The following PPP2R2C variants were observed in gnomAD, a reference collection of about 807,000 sequenced individuals.
PPP2R2C encodes protein phosphatase 2, regulatory subunit B, gamma.
Under a neutral mutation model 45.3 loss-of-function variants are expected in PPP2R2C, and 10 were observed. The observed-to-expected ratio is 0.22, with a 90% CI of 0.14 to 0.37. The LOEUF is 0.37. PPP2R2C is among the 10% of genes least tolerant of loss of function. The pLI, the probability that PPP2R2C is intolerant of heterozygous loss-of-function variation, is 1.00. For synonymous variants in PPP2R2C, 257 were observed against 245.4 expected (o/e 1.05, Z -0.44); for missense variants, 308 against 619.7 (o/e 0.50, Z 5.34).
chr4:6,474,435 T>C (rs1228103882), upstream of PPP2R2C, among the ~76,000 whole-genome samples: 2 of 152,092 alleles, frequency 1.3e-5, no homozygotes, highest in African/African-American at 2.4e-5. Context: ...AGCTCTCTTG[T>C]TATCATGCTG....
Position 6,545,283 on chromosome 4 carries a change from G to A in PPP2R2C, c.-58-9906C>T, listed in dbSNP as rs372541387. On this transcript the variant is annotated intron_variant, in intron 1 of 9. Coordinates refer to the PPP2R2C transcript ENST00000506140. ...AGTAAACAACAAAATGACTGAAATC[G>A]TGTTATAATTTATCATAGTAGCAGT... Among the ~76,000 whole-genome samples, 8 of 152,268 alleles carry A rather than the reference G, an allele frequency of 5.3e-5. No individual in the cohort carries two copies. The East Asian group carries it at 5.8e-4, about 11-fold the overall frequency.
At chr4:6,490,768 G>C (rs533954802) in intron 2 of PPP2R2C, among the ~76,000 whole-genome samples, 2 of 152,148 alleles carry the variant, frequency 1.3e-5, no homozygotes, top group Non-Finnish European at 2.9e-5. Context: ...ATCAGCCATG[G>C]CGAGAAGCCG....
In PPP2R2C at chr4:6,324,287, C is replaced by T. The variant is rs1364235072; in HGVS notation, c.1053-694G>A. ...TCTCTACTAAAAATACAAAAATTAG[C>T]TGGACATGGTGGTGGGCACCTGTAA... On this transcript the variant is annotated intron_variant, in intron 8 of 8. Coordinates refer to ENST00000382599, the MANE Select transcript of PPP2R2C (RefSeq NM_020416.4). The surrounding 1 kb of genome is among the most constrained non-coding windows in gnomAD (Gnocchi z 4.1). Among the ~76,000 whole-genome samples the T allele has an allele frequency of 6.6e-6, 1 of 152,056 alleles. No homozygotes were observed. Among genetic ancestry groups the T allele is most frequent in the Non-Finnish European group, 1.5e-5 (1 of 68,016 alleles).
intron 1 of PPP2R2C, among the ~76,000 whole-genome samples, chr4:6,443,906 C>G (rs542080368): frequency 2.0e-5 from 3 of 152,262 alleles, no homozygotes; most frequent in African/African-American, 4.8e-5. Context: ...CTAGGCAGCT[C>G]CAACACAGCA....
chr4:6,386,211 G>A (rs1479607707), intron 1 of PPP2R2C, among the ~76,000 whole-genome samples: 1 of 152,218 alleles, frequency 6.6e-6, no homozygotes, highest in Non-Finnish European at 1.5e-5. Context: ...AACAGCCGGC[G>A]TTGGCTTTCC....
intron 1 of PPP2R2C, among the ~76,000 whole-genome samples, chr4:6,434,754 G>A (rs1719814716): frequency 6.6e-6 from 1 of 151,062 alleles, no homozygotes; most frequent in African/African-American, 2.4e-5. Flanking sequence ...CACCATCATG[G>A]TAATATCAGC....
chr4:6,500,506 T>G (rs1723015751), intron 2 of PPP2R2C, among the ~76,000 whole-genome samples: 1 of 152,224 alleles, frequency 6.6e-6, no homozygotes, highest in African/African-American at 2.4e-5. Context: ...TAACCCTATT[T>G]GATCTCATCC....
intron 1 of PPP2R2C, among the ~76,000 whole-genome samples, chr4:6,467,706 G>A (rs1560570026): frequency 6.6e-6 from 1 of 152,182 alleles, no homozygotes; most frequent in Admixed American, 6.5e-5. Context: ...GCTATGGGCT[G>A]CAAGTAACGG....
At chr4:6,325,900 C>T (rs1003809716) in intron 8 of PPP2R2C, among the ~76,000 whole-genome samples, 5 of 149,902 alleles carry the variant, frequency 3.3e-5, no homozygotes, top group African/African-American at 1.2e-4. Flanking sequence ...CTCCTGCCCT[C>T]GCCACCCGTG....
At chr4:6,374,709 T>C (rs1409357126) in intron 4 of PPP2R2C, among the ~76,000 whole-genome samples, 2 of 152,308 alleles carry the variant, frequency 1.3e-5, no homozygotes, top group East Asian at 3.9e-4. Flanking sequence ...CCATGTCTGT[T>C]TCCTTGGGGG....
intron 5 of PPP2R2C, chr4:6,351,394 C>T: frequency 2.0e-6 from 2 of 983,654 alleles, no homozygotes; most frequent in Non-Finnish European, 2.4e-6. Context: ...GGCAAACACA[C>T]CCGAGCCACG....
At chr4:6,363,603 A>G (rs1714020123) in intron 5 of PPP2R2C, among the ~76,000 whole-genome samples, 1 of 151,940 alleles carries the variant, frequency 6.6e-6, no homozygotes, top group Admixed American at 6.6e-5. Context: ...AAGAAAAAGA[A>G]AGAAATACTA....
intron 1 of PPP2R2C, among the ~76,000 whole-genome samples, chr4:6,463,431 T>A (rs927318768): frequency 2.6e-5 from 4 of 152,204 alleles, no homozygotes; most frequent in African/African-American, 9.6e-5. Flanking sequence ...GGAGATCCCA[T>A]CCCTGCTTGC....
chr4:6,410,217 C>G (rs1037551415), intron 1 of PPP2R2C, among the ~76,000 whole-genome samples: 2 of 152,198 alleles, frequency 1.3e-5, no homozygotes, highest in African/African-American at 4.8e-5. Context: ...ATACCAGGCT[C>G]GAGTCTGCTG....
chr4:6,421,070 A>C, intron 1 of PPP2R2C: 1 of 985,238 alleles, frequency 1.0e-6, no homozygotes, highest in Non-Finnish European at 1.2e-6. Context: ...TGGGGTGTCC[A>C]CAGAAGTGGA....
intron 1 of PPP2R2C, among the ~76,000 whole-genome samples, chr4:6,548,457 G>GCGTGA (rs1196263335): frequency 6.6e-6 from 1 of 152,226 alleles, no homozygotes; most frequent in Non-Finnish European, 1.5e-5. Flanking sequence ...GAACCCTTGT[G>GCGTGA]CGTGACATCT....
chr4:6,376,089 G>A (rs1715278192), intron 3 of PPP2R2C, among the ~76,000 whole-genome samples, 158 bp from the exon 4 acceptor site: 2 of 152,214 alleles, frequency 1.3e-5, no homozygotes, highest in South Asian at 4.1e-4. Flanking sequence ...CTGTCTCGAG[G>A]CCTCCAGCCT....
At chr4:6,373,423 T>C (rs1394378064) in intron 4 of PPP2R2C, among the ~76,000 whole-genome samples, 1 of 152,204 alleles carries the variant, frequency 6.6e-6, no homozygotes, top group Non-Finnish European at 1.5e-5. Flanking sequence ...GTCCTTGCCA[T>C]GGCATCAGAC....
chr4:6,463,153 A>T (rs1163326022), intron 1 of PPP2R2C, among the ~76,000 whole-genome samples: 2 of 152,240 alleles, frequency 1.3e-5, no homozygotes, highest in Non-Finnish European at 2.9e-5. Flanking sequence ...ATTGAGATTA[A>T]CCTACAGAGT....
Sources: gnomAD v4.1 joint callset for allele counts (sites outside exome capture counted in the v4.1 genomes callset) on GRCh38, gnomAD v4.1.1 for gene constraint, Gnocchi (gnomAD v3.1) non-coding constraint, MANE v1.5 for transcripts, NCBI Gene and HGNC (gene_info 2026-07-23, HGNC 2026-07-21) for gene names.